The following SYNPR variants were observed in gnomAD, a reference collection of about 807,000 sequenced individuals.
SYNPR encodes the protein synaptoporin.
A neutral mutation model predicts 32.9 loss-of-function variants in SYNPR; 23 were observed. The observed-to-expected ratio is 0.70, with a 90% CI of 0.50 to 0.99. The LOEUF is 0.99. SYNPR is among the 50% of genes least tolerant of loss of function. SYNPR has a pLI of 0.00. For synonymous variants in SYNPR, 146 were observed against 135.9 expected, an observed-to-expected ratio of 1.07 and a Z score of -0.52; for missense variants, 318 against 349.3, an observed-to-expected ratio of 0.91 and a Z score of 0.71.
At chr3:63,429,270 A>C (rs1239135241) in intron 2 of SYNPR, among the ~76,000 whole-genome samples, 2 of 152,184 alleles carry the variant, frequency 1.3e-5, no homozygotes, top group African/African-American at 4.8e-5. Context: ...ATCATAAACC[A>C]ATGTAGCCTT....
chr3:63,314,620 A>G (rs2087021607), intron 2 of SYNPR, among the ~76,000 whole-genome samples: 1 of 151,998 alleles, frequency 6.6e-6, no homozygotes, highest in Non-Finnish European at 1.5e-5. Flanking sequence ...GATTCTGGAT[A>G]TTAGCCTTTT....
intron 3 of SYNPR, among the ~76,000 whole-genome samples, chr3:63,532,723 T>G (rs1056368389): frequency 6.6e-6 from 1 of 152,224 alleles, no homozygotes; most frequent in African/African-American, 2.4e-5. Flanking sequence ...CTGACGTCCA[T>G]AAGACGCAAA....
chr3:63,222,099 A>G, the SYNPR span, among the ~76,000 whole-genome samples: 18 of 137,180 alleles, frequency 1.3e-4, no homozygotes, highest in African/African-American at 4.9e-4. Flanking sequence ...GTGATGTGTC[A>G]GGTCCCTGAT....
intron 2 of SYNPR, among the ~76,000 whole-genome samples, chr3:63,327,040 T>C (rs1356311682): frequency 6.6e-6 from 1 of 152,126 alleles, no homozygotes; most frequent in Non-Finnish European, 1.5e-5. Context: ...TACTTTTAGA[T>C]TTCCTGTTTC....
the SYNPR span, among the ~76,000 whole-genome samples, chr3:63,220,610 C>A: frequency 6.6e-6 from 1 of 152,158 alleles, no homozygotes. Context: ...CCGTGAAAGT[C>A]ACCCCAGCCT....
chr3:63,558,687 G>A (rs1702632745), intron 4 of SYNPR, among the ~76,000 whole-genome samples: 1 of 151,996 alleles, frequency 6.6e-6, no homozygotes, highest in South Asian at 2.1e-4. Context: ...TATTTTTGTT[G>A]TTTTGAAAAA....
chr3:63,201,630 T>C, the SYNPR span, among the ~76,000 whole-genome samples: 4 of 152,018 alleles, frequency 2.6e-5, no homozygotes, highest in Non-Finnish European at 4.4e-5. Flanking sequence ...GGGAAGGAGA[T>C]AGAATAAAAA....
At chr3:63,357,200 T>TA (rs2107027772) in intron 2 of SYNPR, among the ~76,000 whole-genome samples, 1 of 152,312 alleles carries the variant, frequency 6.6e-6, no homozygotes, top group South Asian at 2.1e-4. Flanking sequence ...GCTGTACGTG[T>TA]AAGGTGAGCT....
chr3:63,415,854 A>G (rs2088532911), intron 2 of SYNPR, among the ~76,000 whole-genome samples: 1 of 152,242 alleles, frequency 6.6e-6, no homozygotes, highest in African/African-American at 2.4e-5. Context: ...AGTTATATTA[A>G]ATGGAAAATT....
At position 63,319,143 on chromosome 3, in the gene SYNPR, C is replaced by T. The variant is rs2087079985; in HGVS notation, c.84+40401C>T. Among the ~76,000 whole-genome samples, 4 of 151,948 alleles carry T rather than the reference C, an allele frequency of 2.6e-5. No individual in the cohort carries two copies. The South Asian group carries it at 8.3e-4, about 31-fold the overall frequency. ...GGTCTTTCAGCCACGGATACCAGTG[C>T]TTGTTCTAGTGGAGATGGCACTAGT... On this transcript the variant is annotated intron_variant, in intron 2 of 5. Transcript: ENST00000478300.
intron 5 of SYNPR, among the ~76,000 whole-genome samples, chr3:63,612,504 C>T (rs898117734): frequency 1.3e-5 from 2 of 152,156 alleles, no homozygotes; most frequent in Non-Finnish European, 2.9e-5. Context: ...CCATTGTTTG[C>T]ATGTTATGTA....
chr3:63,576,762 G>A (rs531051481), intron 4 of SYNPR, among the ~76,000 whole-genome samples: 4 of 148,786 alleles, frequency 2.7e-5, no homozygotes, highest in South Asian at 4.3e-4. Flanking sequence ...CTACACTCCA[G>A]CCTGGGCAAC....
intron 3 of SYNPR, among the ~76,000 whole-genome samples, chr3:63,483,724 G>T (rs1038701904): frequency 6.6e-6 from 1 of 152,136 alleles, no homozygotes; most frequent in African/African-American, 2.4e-5. Context: ...ATTCCAAATG[G>T]ATTGAAGTAG....
intron 4 of SYNPR, among the ~76,000 whole-genome samples, chr3:63,596,993 A>C (rs1699972000): frequency 6.6e-6 from 1 of 152,150 alleles, no homozygotes; most frequent in East Asian, 1.9e-4. Flanking sequence ...AAAAAAGTAA[A>C]ATGGCATACT....
At position 63,310,001 on chromosome 3, in the gene SYNPR, T is replaced by C. The variant is rs569338691; in HGVS notation, c.84+31259T>C. ...TTAAAGCCCTCTTCTGTGTACCCACTCTTCAGCCCTCAGGCTGAGTAAATA... is the reference window on the plus strand; with the variant it reads ...TTAAAGCCCTCTTCTGTGTACCCACCCTTCAGCCCTCAGGCTGAGTAAATA... On this transcript the variant is annotated intron_variant, in intron 2 of 5. Coordinates refer to ENST00000478300, the MANE Select transcript of SYNPR (RefSeq NM_001130003.2). 5.3e-5 allele frequency among the ~76,000 whole-genome samples: 8 copies of C among 151,970 alleles called. No homozygotes were observed. In the South Asian group the frequency reaches 1.7e-3, roughly 32 times the overall value.
intron 2 of SYNPR, among the ~76,000 whole-genome samples, chr3:63,260,601 C>G (rs556939567): frequency 6.6e-6 from 1 of 152,296 alleles, no homozygotes; most frequent in East Asian, 1.9e-4. Flanking sequence ...AATGTTAGAT[C>G]TAAAACCATA....
At position 63,314,020 on chromosome 3, in the gene SYNPR, CATAT is replaced by C. The variant is rs377600145; in HGVS notation, c.84+35289_84+35292del. The stretch of plus-strand genomic sequence containing the variant: ...ATATATATATCCATATATATATATC[CATAT>C]ATATATATATCCATATATATATATA... On this transcript the variant is annotated intron_variant, in intron 2 of 5. Coordinates refer to ENST00000478300, the MANE Select transcript of SYNPR (RefSeq NM_001130003.2). Among the ~76,000 whole-genome samples, 2 of 4,880 alleles carry C rather than the reference CATAT, an allele frequency of 4.1e-4. 1 individual carries two copies. The highest frequency in any genetic ancestry group is 1.2e-3 in the African/African-American group (2 of 1,726). 3.2% of individuals were successfully genotyped at this position (4,880 alleles called of 152,430 possible). A position where few individuals can be genotyped will look rare whatever the true frequency, so the allele number is the denominator to read the frequency against.
At chr3:63,263,504 A>C (rs1043780365) in intron 2 of SYNPR, among the ~76,000 whole-genome samples, 1 of 152,234 alleles carries the variant, frequency 6.6e-6, no homozygotes, top group Non-Finnish European at 1.5e-5. Flanking sequence ...ACACAACAAC[A>C]GTCATTTATT....
intron 4 of SYNPR, among the ~76,000 whole-genome samples, chr3:63,592,883 C>T (rs1699863083): frequency 6.6e-6 from 1 of 152,038 alleles, no homozygotes; most frequent in African/African-American, 2.4e-5. Flanking sequence ...TATTGCATTA[C>T]TTCTTTTGTC....
Sources: allele counts gnomAD v4.1 joint callset (sites outside exome capture counted in the v4.1 genomes callset), GRCh38; gene constraint gnomAD v4.1.1; transcripts MANE v1.5; gene names NCBI Gene and HGNC (gene_info 2026-07-23, HGNC 2026-07-21).